XKR9: variants seen among roughly 807,000 people sequenced by gnomAD.
The protein encoded by XKR9 is XK related 9.
XKR9 carries 32 observed loss-of-function variants against 32.0 expected under a neutral mutation model. The observed-to-expected ratio is 1.00, with a 90% CI of 0.76 to 1.34. The LOEUF is 1.34. Ranked by LOEUF, XKR9 falls within the 40% of genes most tolerant of loss-of-function variation. The pLI, the probability that XKR9 is intolerant of heterozygous loss-of-function variation, is 0.00. For missense variants in XKR9, 546 were observed against 429.7 expected, an observed-to-expected ratio of 1.27 and a Z score of -2.39; for synonymous variants, 168 against 143.4, an observed-to-expected ratio of 1.17 and a Z score of -1.22.
At chr8:70,796,440 TC>T in the XKR9 span, among the ~76,000 whole-genome samples, 3 of 152,300 alleles carry the variant, frequency 2.0e-5, no homozygotes, top group Non-Finnish European at 4.4e-5. Context: ...TTTTTCTTCA[TC>T]ATTTTAGTAA....
chr8:71,058,099 T>C, the XKR9 span, among the ~76,000 whole-genome samples: 1 of 151,860 alleles, frequency 6.6e-6, no homozygotes, highest in South Asian at 2.1e-4. Flanking sequence ...GAGAATGGCG[T>C]GAACCCGGGA....
the XKR9 span, among the ~76,000 whole-genome samples, chr8:70,940,248 T>C: frequency 6.6e-6 from 1 of 152,208 alleles, no homozygotes; most frequent in Non-Finnish European, 1.5e-5. Context: ...TCTTTCCATG[T>C]ATGTTGCCAC....
chr8:71,005,495 A>G, the XKR9 span, among the ~76,000 whole-genome samples: 1 of 152,052 alleles, frequency 6.6e-6, no homozygotes, highest in South Asian at 2.1e-4. Context: ...AAGTACTGGG[A>G]TTACAGGATT....
At chr8:70,909,820 T>C in the XKR9 span, among the ~76,000 whole-genome samples, 4 of 149,288 alleles carry the variant, frequency 2.7e-5, no homozygotes, top group African/African-American at 9.8e-5. Flanking sequence ...GTGATTCTCA[T>C]GTCTCAGCCT....
At chr8:70,851,660 C>G in the XKR9 span, among the ~76,000 whole-genome samples, 1 of 152,128 alleles carries the variant, frequency 6.6e-6, no homozygotes, top group Admixed American at 6.6e-5. Flanking sequence ...TTCAAGAAGC[C>G]TGACAAAAAC....
chr8:70,791,439 A>G (rs1807762774), downstream of XKR9, among the ~76,000 whole-genome samples: 1 of 152,134 alleles, frequency 6.6e-6, no homozygotes, highest in South Asian at 2.1e-4. Context: ...TACAAATTTA[A>G]TTGTCATTGT....
the XKR9 span, among the ~76,000 whole-genome samples, chr8:70,895,229 A>G: frequency 2.0e-5 from 3 of 152,026 alleles, no homozygotes; most frequent in African/African-American, 7.2e-5. Context: ...GGGGTGGTGA[A>G]GGATCAGAAT....
the XKR9 span, among the ~76,000 whole-genome samples, chr8:70,962,580 T>TA: frequency 6.6e-6 from 1 of 152,200 alleles, no homozygotes; most frequent in Non-Finnish European, 1.5e-5. Context: ...GGTGTATACT[T>TA]ACCACACTTT....
the XKR9 span, among the ~76,000 whole-genome samples, chr8:70,835,863 G>C: frequency 6.6e-6 from 1 of 151,974 alleles, no homozygotes; most frequent in African/African-American, 2.4e-5. Flanking sequence ...TAGAATAGAT[G>C]ATCTCAAACA....
chr8:70,808,096 ACT>A, the XKR9 span, among the ~76,000 whole-genome samples: 2 of 152,242 alleles, frequency 1.3e-5, no homozygotes, highest in African/African-American at 4.8e-5. Flanking sequence ...TCAAATTAGA[ACT>A]CAGCATTAAA....
chr8:70,855,218 TAA>T, the XKR9 span, among the ~76,000 whole-genome samples: 1 of 151,800 alleles, frequency 6.6e-6, no homozygotes, highest in African/African-American at 2.4e-5. Flanking sequence ...GCAAAGAAGT[TAA>T]GAACCTCAAA....
At chr8:70,855,499 G>A in the XKR9 span, among the ~76,000 whole-genome samples, 9 of 152,168 alleles carry the variant, frequency 5.9e-5, no homozygotes, top group Non-Finnish European at 1.3e-4. Flanking sequence ...ATCTACGTCT[G>A]ATTGGTTTAC....
chr8:70,960,005 G>A, the XKR9 span, among the ~76,000 whole-genome samples: 1 of 152,132 alleles, frequency 6.6e-6, no homozygotes, highest in African/African-American at 2.4e-5. Flanking sequence ...CAAGGTGGGC[G>A]GATCACCTGA....
chr8:71,062,449 C>T, the XKR9 span, among the ~76,000 whole-genome samples: 2 of 152,026 alleles, frequency 1.3e-5, no homozygotes, highest in Admixed American at 1.3e-4. Context: ...TTATAGGGCT[C>T]CACCCTCATG....
rs573300631 is a variant in XKR9, at chr8:70,714,476, A to G, written c.493+7323A>G. 4.6e-5 allele frequency among the ~76,000 whole-genome samples: 7 copies of G among 152,118 alleles called. No homozygotes were observed. In the East Asian group the frequency reaches 9.6e-4, roughly 21 times the overall value. ...GATTGGCTCTAGATTTGATGATTTTATAATATAATTTTCATAGAATAGAAA... is the reference window on the plus strand; with the variant it reads ...GATTGGCTCTAGATTTGATGATTTTGTAATATAATTTTCATAGAATAGAAA... On this transcript the variant is annotated intron_variant, in intron 4 of 4. Coordinates refer to ENST00000408926, the MANE Select transcript of XKR9 (RefSeq NM_001011720.2).
the XKR9 span, among the ~76,000 whole-genome samples, chr8:70,885,698 G>A: frequency 4.6e-5 from 7 of 152,116 alleles, no homozygotes; most frequent in East Asian, 9.7e-4. Context: ...CCGGGATCAC[G>A]CCATTCTCCT....
chr8:70,672,907 G>A (rs2132094609), intron 1 of XKR9, among the ~76,000 whole-genome samples: 1 of 152,186 alleles, frequency 6.6e-6, no homozygotes, highest in Middle Eastern at 3.4e-3. Context: ...TTTTTGGTGG[G>A]ATTATTTGTG....
At chr8:70,827,029 C>T in the XKR9 span, among the ~76,000 whole-genome samples, 2 of 152,078 alleles carry the variant, frequency 1.3e-5, no homozygotes, top group African/African-American at 2.4e-5. Flanking sequence ...CGGTGCTAAT[C>T]TGATTAGTAA....
the XKR9 span, among the ~76,000 whole-genome samples, chr8:70,972,410 A>T: frequency 4.6e-5 from 7 of 152,138 alleles, no homozygotes; most frequent in African/African-American, 1.7e-4. Context: ...TAATCAGCAG[A>T]CAATGATGGT....
Sources: gnomAD v4.1 joint callset for allele counts (sites outside exome capture counted in the v4.1 genomes callset) on GRCh38, gnomAD v4.1.1 for gene constraint, MANE v1.5 for transcripts, NCBI Gene and HGNC (gene_info 2026-07-23, HGNC 2026-07-21) for gene names.